The following TAS2R1 variants were observed in gnomAD, a reference collection of about 807,000 sequenced individuals.
TAS2R1 encodes taste receptor type 2 member 1.
For missense variants in TAS2R1, 370 were observed against 353.4 expected, an observed-to-expected ratio of 1.05 and a Z score of -0.38; for synonymous variants, 141 against 134.2, an observed-to-expected ratio of 1.05 and a Z score of -0.35.
the TAS2R1 span, among the ~76,000 whole-genome samples, chr5:9,900,745 C>A: frequency 4.9e-4 from 74 of 151,920 alleles, 1 homozygote; most frequent in African/African-American, 1.8e-3. Context: ...CTCAGCCTCC[C>A]GAGCAGCTGG....
intron 2 of TAS2R1, among the ~76,000 whole-genome samples, chr5:9,656,919 C>T (rs1363273007): frequency 6.6e-6 from 1 of 151,878 alleles, no homozygotes; most frequent in Admixed American, 6.6e-5. Context: ...GATAAAACAA[C>T]CTTAAGAGTG....
At chr5:9,822,685 G>A in the TAS2R1 span, among the ~76,000 whole-genome samples, 1 of 151,994 alleles carries the variant, frequency 6.6e-6, no homozygotes, top group Non-Finnish European at 1.5e-5. Context: ...TGTAACATAT[G>A]TTATATGTAC....
the TAS2R1 span, among the ~76,000 whole-genome samples, chr5:9,835,682 C>G: frequency 6.6e-6 from 1 of 152,136 alleles, no homozygotes; most frequent in African/African-American, 2.4e-5. Flanking sequence ...ACCTGACAGT[C>G]ATGTCCTGCA....
At chr5:9,747,372 T>A in the TAS2R1 span, among the ~76,000 whole-genome samples, 1 of 152,172 alleles carries the variant, frequency 6.6e-6, no homozygotes, top group Non-Finnish European at 1.5e-5. Flanking sequence ...CTCACAGTTC[T>A]GTAGAACATT....
chr5:9,766,478 C>T, the TAS2R1 span, among the ~76,000 whole-genome samples: 1 of 152,202 alleles, frequency 6.6e-6, no homozygotes, highest in Non-Finnish European at 1.5e-5. Flanking sequence ...GGTGGTGAAG[C>T]AGGATTTTCT....
chr5:9,638,810 G>A (rs1740017872), intron 2 of TAS2R1, among the ~76,000 whole-genome samples: 1 of 152,132 alleles, frequency 6.6e-6, no homozygotes, highest in Non-Finnish European at 1.5e-5. Context: ...CACTGTGGGG[G>A]ATGGAGGTGG....
the TAS2R1 span, among the ~76,000 whole-genome samples, chr5:9,824,871 G>C: frequency 6.7e-6 from 1 of 149,396 alleles, no homozygotes; most frequent in African/African-American, 2.5e-5. Context: ...CAGGGGGGAA[G>C]AGAAAGGAAA....
At chr5:9,895,931 G>A in the TAS2R1 span, among the ~76,000 whole-genome samples, 1 of 152,212 alleles carries the variant, frequency 6.6e-6, no homozygotes, top group African/African-American at 2.4e-5. Flanking sequence ...AACCTGTACT[G>A]TGATTATTAG....
the TAS2R1 span, chr5:9,854,419 G>C: frequency 1.3e-5 from 2 of 152,090 alleles, no homozygotes; most frequent in South Asian, 2.1e-4. Context: ...TGTAAATCTG[G>C]AGGGATGCAA....
the TAS2R1 span, among the ~76,000 whole-genome samples, chr5:9,891,384 A>G: frequency 6.6e-6 from 1 of 152,250 alleles, no homozygotes; most frequent in Non-Finnish European, 1.5e-5. Flanking sequence ...TAATAGATGT[A>G]CTATTTTTGT....
intron 1 of TAS2R1, among the ~76,000 whole-genome samples, chr5:9,676,953 C>A (rs114567182): frequency 0.044 from 6,673 of 152,142 alleles, 188 homozygotes; most frequent in Middle Eastern, 0.082. Context: ...GACACATGCA[C>A]ATGTATGTTC....
At chr5:9,892,860 C>A in the TAS2R1 span, among the ~76,000 whole-genome samples, 12 of 152,212 alleles carry the variant, frequency 7.9e-5, no homozygotes, top group South Asian at 1.2e-3. Flanking sequence ...AGACACAAGC[C>A]CATTTCTATT....
chr5:9,871,143 G>A, the TAS2R1 span, among the ~76,000 whole-genome samples: 2 of 151,974 alleles, frequency 1.3e-5, no homozygotes, highest in African/African-American at 4.8e-5. Flanking sequence ...CAGTCTCCAG[G>A]GCACAATCAG....
chr5:9,708,627 C>G (rs1741671670), intron 1 of TAS2R1, among the ~76,000 whole-genome samples: 1 of 151,766 alleles, frequency 6.6e-6, no homozygotes, highest in African/African-American at 2.4e-5. Context: ...GTCCTCATGA[C>G]TGCTACCTGG....
At chr5:9,771,249 GT>G in the TAS2R1 span, among the ~76,000 whole-genome samples, 11 of 152,014 alleles carry the variant, frequency 7.2e-5, no homozygotes, top group Admixed American at 5.2e-4. Flanking sequence ...TTTTGGCAAA[GT>G]TTTTTCAGCA....
the TAS2R1 span, among the ~76,000 whole-genome samples, chr5:9,829,020 A>C: frequency 6.6e-6 from 1 of 152,212 alleles, no homozygotes; most frequent in East Asian, 1.9e-4. Flanking sequence ...CTGTGTTATG[A>C]ATACAGAGGA....
the TAS2R1 span, among the ~76,000 whole-genome samples, chr5:9,802,744 T>C: frequency 6.6e-6 from 1 of 151,692 alleles, no homozygotes; most frequent in Non-Finnish European, 1.5e-5. Flanking sequence ...CTACTAAAAA[T>C]ACAAAAAAAT....
the TAS2R1 span, among the ~76,000 whole-genome samples, chr5:9,733,999 TG>T: frequency 6.6e-6 from 1 of 152,192 alleles, no homozygotes; most frequent in Non-Finnish European, 1.5e-5. Flanking sequence ...AAAATTTGGA[TG>T]TTGGAACCTA....
the TAS2R1 span, among the ~76,000 whole-genome samples, chr5:9,724,048 A>G: frequency 1.3e-5 from 2 of 152,224 alleles, no homozygotes; most frequent in African/African-American, 4.8e-5. Context: ...ATCACTTTGC[A>G]AAAGGGCTTC....
Sources: gnomAD v4.1 joint callset for allele counts (sites outside exome capture counted in the v4.1 genomes callset) on GRCh38, gnomAD v4.1.1 for gene constraint, MANE v1.5 for transcripts, NCBI Gene and HGNC (gene_info 2026-07-23, HGNC 2026-07-21) for gene names.